Variants in NUGGC observed in about 807,000 individuals in gnomAD.
NUGGC encodes the protein nuclear GTPase, germinal center associated.
A neutral mutation model predicts 92.6 loss-of-function variants in NUGGC; 58 were observed. The ratio of observed to expected loss-of-function variants is 0.63; its 90% CI spans 0.51 to 0.78. The LOEUF (loss-of-function observed/expected upper bound fraction) is 0.78. NUGGC is among the 30% of genes least tolerant of loss of function. The pLI, the probability that NUGGC is intolerant of heterozygous loss-of-function variation, is 0.00. For missense variants in NUGGC, 925 were observed against 964.6 expected (o/e 0.96, Z 0.54); for synonymous variants, 376 against 366.4 (o/e 1.03, Z -0.30).
chr8:28,065,152 CTTTTTTTTTTTTTTTT>C (rs5890398), intron 6 of NUGGC, among the ~76,000 whole-genome samples: 1 of 79,884 alleles, frequency 1.3e-5, no homozygotes, highest in Non-Finnish European at 2.4e-5. Context: ...GAAATTGGAT[CTTTTTTTTTTTTTTTT>C]TTTTTTTTTT....
At chr8:28,041,248 C>A in intron 12 of NUGGC, 33 bp from the exon 13 acceptor site, 1 of 1,584,400 alleles carries the variant, frequency 6.3e-7, no homozygotes, top group Non-Finnish European at 8.6e-7. Flanking sequence ...AATCAGGCCA[C>A]CCCCTCCCTA....
At chr8:28,052,788 T>A (rs999667594) in intron 10 of NUGGC, among the ~76,000 whole-genome samples, 3 of 152,170 alleles carry the variant, frequency 2.0e-5, no homozygotes, top group South Asian at 2.1e-4. Flanking sequence ...TTCTAATGAG[T>A]TGTGTGCATT....
At chr8:28,068,173 AAAGG>A (rs777934283) in intron 5 of NUGGC, 39 bp downstream of exon 5, 18 of 1,240,658 alleles carry the variant, frequency 1.5e-5, no homozygotes, top group Non-Finnish European at 2.1e-5. Context: ...AAGGAAGGAA[AAAGG>A]AAGGAAGGGA....
chr8:28,040,560 C>T (rs1398451793), intron 13 of NUGGC, among the ~76,000 whole-genome samples: 10 of 152,104 alleles, frequency 6.6e-5, no homozygotes, highest in Admixed American at 6.5e-4. Flanking sequence ...TTCCTTGGTC[C>T]TTTCAAGACA....
At chr8:28,035,975 T>G (rs1462504111) in intron 13 of NUGGC, among the ~76,000 whole-genome samples, 2 of 152,210 alleles carry the variant, frequency 1.3e-5, no homozygotes, top group Non-Finnish European at 2.9e-5. Context: ...CTCCAACACC[T>G]GGGCTCAGGT....
intron 11 of NUGGC, among the ~76,000 whole-genome samples, chr8:28,046,122 A>G (rs113808403): frequency 3.3e-5 from 5 of 152,324 alleles, no homozygotes; most frequent in African/African-American, 9.6e-5. Flanking sequence ...TAGATGTGAC[A>G]GGATTCCTGT....
chr8:28,081,775 G>A (rs529189041), intron 1 of NUGGC, among the ~76,000 whole-genome samples: 1 of 152,146 alleles, frequency 6.6e-6, no homozygotes, highest in East Asian at 1.9e-4. Context: ...CTACTCAGGA[G>A]GCTAAGGCAG....
At position 28,031,166 on chromosome 8, in the gene NUGGC, C is replaced by T. The variant is rs1457894660; in HGVS notation, c.1908+77G>A. On this transcript the variant is annotated intron_variant, in intron 15 of 18. Transcript: ENST00000413272. ...ATACTCCAGGGAACAAGGGAACAGA[C>T]AGGCAACCTACAAAACTGGCCTGGG... is the stretch of plus-strand genomic sequence containing the variant. 7.8e-6 allele frequency: 12 copies of T among 1,529,144 alleles called. No individual in the cohort carries two copies. In the East Asian group the frequency reaches 2.5e-4, roughly 32 times the overall value. 94.7% of individuals were successfully genotyped at this position (1,529,144 alleles called of 1,614,324 possible). A position where few individuals can be genotyped will look rare whatever the true frequency, so the allele number is the denominator to read the frequency against.
At position 28,061,661 on chromosome 8, in the gene NUGGC, A is replaced by G. The variant is rs73573217; in HGVS notation, c.922-1060T>C. Among the ~76,000 whole-genome samples the G allele has an allele frequency of 2.1e-3, 316 of 152,312 alleles. 2 individuals are homozygous for G. Among genetic ancestry groups the G allele is most frequent in the African/African-American group, 7.4e-3 (309 of 41,562 alleles). ...ACTGAACAATTGGTAAGTCCAGTAC[A>G]ATCGGGGCTAATGATGGTTATGATT... is the stretch of plus-strand genomic sequence containing the variant. On this transcript the variant is annotated intron_variant, in intron 7 of 18. Transcript: ENST00000413272.
chr8:28,044,571 A>G (rs143036439), intron 12 of NUGGC, among the ~76,000 whole-genome samples: 193 of 152,288 alleles, frequency 1.3e-3, no homozygotes, highest in African/African-American at 4.2e-3. Context: ...GGTTGGTAGT[A>G]AGTTGGAAGC....
At chr8:28,060,043 A>G (rs989138306) in intron 8 of NUGGC, among the ~76,000 whole-genome samples, 19 of 150,856 alleles carry the variant, frequency 1.3e-4, no homozygotes, top group Non-Finnish European at 2.7e-4. Flanking sequence ...GCTGTACCCT[A>G]CCAGATAGGA....
intron 7 of NUGGC, among the ~76,000 whole-genome samples, chr8:28,061,008 C>T (rs1381859889): frequency 6.6e-6 from 1 of 152,218 alleles, no homozygotes; most frequent in African/African-American, 2.4e-5. Context: ...CAGTGCTTGG[C>T]ACACAGGAGA....
At chr8:28,024,830 G>A (rs369083203) in intron 18 of NUGGC, among the ~76,000 whole-genome samples, 4 of 152,122 alleles carry the variant, frequency 2.6e-5, no homozygotes, top group East Asian at 1.9e-4. Context: ...CTTCAGTGAC[G>A]CTTCCCCGCG....
chr8:28,058,341 G>A (rs1262958475), intron 8 of NUGGC, 65 bp from the exon 9 acceptor site: 9 of 319,168 alleles, frequency 2.8e-5, no homozygotes, highest in East Asian at 8.3e-5. Flanking sequence ...GCAGTCTTTC[G>A]ACTTTCCCCA....
intron 12 of NUGGC, among the ~76,000 whole-genome samples, chr8:28,042,389 C>T (rs574877812): frequency 5.3e-5 from 8 of 152,350 alleles, no homozygotes; most frequent in Admixed American, 2.0e-4. Flanking sequence ...ACCACCATCT[C>T]TGTTTGCCTG....
Position 28,055,993 on chromosome 8 carries a change from CT to C in NUGGC, c.1177del (p.Arg393GlyfsTer9). 1 of 1,557,318 alleles carries C rather than the reference CT, an allele frequency of 6.4e-7. No homozygotes were observed. Among genetic ancestry groups the C allele is most frequent in the South Asian group, 1.2e-5 (1 of 84,784 alleles). Reference protein sequence around the residue: ...LERNEMIKLQRTRILKEKLKR... With the variant: ...LERNEMIKLQXTRILKEKLKR... ...CAGTTTTTCCTTGAGAATTCTAGTCCTTTGTAGTTTTATCATTTCATTTCTT... is the reference window on the plus strand; with the variant it reads ...CAGTTTTTCCTTGAGAATTCTAGTCCTTGTAGTTTTATCATTTCATTTCTT... On this transcript the variant is annotated frameshift_variant, in exon 10 of 19. Transcript: ENST00000413272. LOFTEE classifies it high-confidence loss of function.
intron 13 of NUGGC, among the ~76,000 whole-genome samples, chr8:28,040,748 G>A (rs1469611956): frequency 6.6e-6 from 1 of 151,906 alleles, no homozygotes; most frequent in African/African-American, 2.4e-5. Flanking sequence ...CCTGGTTCAA[G>A]CAATTCTCCT....
At chr8:28,076,315 T>C (rs1337083916) in intron 1 of NUGGC, among the ~76,000 whole-genome samples, 1 of 152,242 alleles carries the variant, frequency 6.6e-6, no homozygotes, top group Non-Finnish European at 1.5e-5. Context: ...GTTTGTTTGC[T>C]TGTGACAGAG....
In NUGGC at chr8:28,060,610, C is replaced by T. The variant is rs1810278960; in HGVS notation, c.922-9G>A. 1 of 1,606,840 alleles carries T rather than the reference C, an allele frequency of 6.2e-7. No individual in the cohort carries two copies. The highest frequency in any genetic ancestry group is 2.2e-5 in the East Asian group (1 of 44,746). Reference sequence around the variant, plus strand: ...GAGCACTTGTCAATGGTCTGCAAAACATGACCACGGCATGTGTCAGCACAG... The same window carrying T: ...GAGCACTTGTCAATGGTCTGCAAAATATGACCACGGCATGTGTCAGCACAG... On this transcript the variant is annotated splice_polypyrimidine_tract_variant and intron_variant, in intron 7 of 18. Coordinates refer to ENST00000413272, the MANE Select transcript of NUGGC (RefSeq NM_001010906.2).
Sources: allele counts gnomAD v4.1 joint callset (sites outside exome capture counted in the v4.1 genomes callset), GRCh38; gene constraint gnomAD v4.1.1; transcripts MANE v1.5; gene names NCBI Gene and HGNC (gene_info 2026-07-23, HGNC 2026-07-21).